FAM234B: variants seen among roughly 807,000 people sequenced by gnomAD.
FAM234B encodes family with sequence similarity 234 member B.
A neutral mutation model predicts 69.3 loss-of-function variants in FAM234B; 33 were observed. That is an observed-to-expected ratio of 0.48 (90% CI 0.36 to 0.64). The LOEUF is 0.64. Among genes scored for constraint, FAM234B ranks in the 30% least tolerant of loss-of-function variants. The pLI, the probability that FAM234B is intolerant of heterozygous loss-of-function variation, is 0.00. For missense variants in FAM234B, 697 were observed against 769.7 expected (o/e 0.91, Z 1.12); for synonymous variants, 306 against 306.9 (o/e 1.00, Z 0.03).
chr12:13,068,774 T>A, intron 9 of FAM234B, 63 bp downstream of exon 9: 1 of 1,080,200 alleles, frequency 9.3e-7, no homozygotes, highest in Non-Finnish European at 1.4e-6. Context: ...TGTCCAACCC[T>A]GTGTTAGGCA....
At chr12:13,075,404 G>A (rs566175316) in intron 10 of FAM234B, among the ~76,000 whole-genome samples, 62 of 151,252 alleles carry the variant, frequency 4.1e-4, no homozygotes, top group Middle Eastern at 3.4e-3. Flanking sequence ...CCTCTCTTGG[G>A]ACCTGTACAT....
rs144487254 is a variant in FAM234B, at chr12:13,061,720, G to A, written c.678G>A (p.Val226=). 3.4e-4 allele frequency: 552 copies of A among 1,614,096 alleles called. No homozygotes were observed. Among genetic ancestry groups the A allele is most frequent in the South Asian group, 7.8e-4 (71 of 91,076 alleles). Reference sequence around the variant, plus strand: ...GCTTGGCTGAAACCATCTGCCTTGTGACAGGGACACACAAGATGCTCAGCG... The same window carrying A: ...GCTTGGCTGAAACCATCTGCCTTGTAACAGGGACACACAAGATGCTCAGCG... The part of the protein sequence containing the change: ...PGSLAETICL[V]TGTHKMLSAF... The change falls in exon 4 of 13, where the codon GTG becomes GTA. Residue 226 remains valine, a synonymous_variant. Transcript: ENST00000197268.
chr12:13,047,013 C>G (rs1864820511), intron 1 of FAM234B, among the ~76,000 whole-genome samples: 1 of 152,200 alleles, frequency 6.6e-6, no homozygotes, highest in Non-Finnish European at 1.5e-5. Flanking sequence ...CTAGTAACCT[C>G]TGACATATGT....
intron 1 of FAM234B, among the ~76,000 whole-genome samples, chr12:13,054,550 C>G (rs147462988): frequency 2.4e-4 from 36 of 152,300 alleles, no homozygotes; most frequent in African/African-American, 7.9e-4. Flanking sequence ...TTCTTTTCCC[C>G]TTTTTAATTA....
intron 9 of FAM234B, among the ~76,000 whole-genome samples, chr12:13,069,860 G>T (rs1394591858): frequency 6.6e-6 from 1 of 152,158 alleles, no homozygotes; most frequent in Non-Finnish European, 1.5e-5. Context: ...TCATGTTAGG[G>T]AGAGACTTCC....
intron 1 of FAM234B, among the ~76,000 whole-genome samples, chr12:13,054,233 A>G (rs12298140): frequency 0.16 from 23,847 of 151,494 alleles, 2,138 homozygotes; most frequent in African/African-American, 0.22. Flanking sequence ...ATTAATAGGG[A>G]AGTGATAAAT....
In FAM234B at chr12:13,083,400, A is replaced by T. The variant is rs1226280472; in HGVS notation, c.*2770A>T. On this transcript the variant is annotated 3_prime_UTR_variant, in exon 13 of 13. Coordinates refer to ENST00000197268, the MANE Select transcript of FAM234B (RefSeq NM_020853.2). ...AGCTGGTATATTGTCAGGAAGCACT[A>T]TTTAAAATGTGAACTGTTATAGAGT... The T allele has an allele frequency of 6.6e-6, 1 of 152,550 alleles. No homozygotes were observed. Among genetic ancestry groups the T allele is most frequent in the African/African-American group, 2.4e-5 (1 of 41,422 alleles). The allele number at this position is 152,550 out of a possible 1,614,324, so 9.4% of individuals were successfully genotyped here.
At chr12:13,075,610 C>CTTTTTTTT (rs5796522) in intron 10 of FAM234B, among the ~76,000 whole-genome samples, 2 of 122,886 alleles carry the variant, frequency 1.6e-5, no homozygotes, top group Non-Finnish European at 1.7e-5. Flanking sequence ...TTTTTTTTCT[C>CTTTTTTTT]TTTTTTTTTT....
intron 9 of FAM234B, among the ~76,000 whole-genome samples, chr12:13,069,581 A>C (rs1187018134): frequency 6.6e-6 from 1 of 152,150 alleles, no homozygotes; most frequent in Non-Finnish European, 1.5e-5. Context: ...CCGGGAACAC[A>C]GGGAGCAGAT....
intron 1 of FAM234B, among the ~76,000 whole-genome samples, chr12:13,046,640 A>T (rs756241833): frequency 5.3e-5 from 8 of 151,988 alleles, no homozygotes; most frequent in Non-Finnish European, 1.2e-4. Context: ...TTGTATTTTT[A>T]GTAGAGACAG....
chr12:13,055,931 T>C lies in FAM234B; in HGVS notation c.418T>C (p.Leu140=), dbSNP rs1248540674. The change falls in exon 2 of 13, where the codon TTG becomes CTG. Residue 140 remains leucine, a synonymous_variant. Transcript: ENST00000197268. ...TCTGCACAGCACCTGGAGCCGCCACTTGGGCTCCCAGGGAGGTGAGCTGCA... is the reference window on the plus strand; with the variant it reads ...TCTGCACAGCACCTGGAGCCGCCACCTGGGCTCCCAGGGAGGTGAGCTGCA... ...RDLHSTWSRH[L]GSQGGGDLSP... is the part of the protein sequence containing the mutation. 2.6e-6 allele frequency: 4 copies of C among 1,567,808 alleles called. No individual in the cohort carries two copies. The highest frequency in any genetic ancestry group is 2.7e-5 in the African/African-American group (2 of 73,710).
intron 5 of FAM234B, among the ~76,000 whole-genome samples, chr12:13,065,332 T>G (rs1865025826): frequency 6.6e-6 from 1 of 152,184 alleles, no homozygotes; most frequent in Non-Finnish European, 1.5e-5. Flanking sequence ...TCCAAACCCC[T>G]CTTTTTCTTG....
At chr12:13,045,579 T>G (rs1292096284) in intron 1 of FAM234B, among the ~76,000 whole-genome samples, 1 of 152,120 alleles carries the variant, frequency 6.6e-6, no homozygotes, top group African/African-American at 2.4e-5. Context: ...GGTTGGATAT[T>G]AATTTGCGTT....
At chr12:13,072,349 C>T (rs1345051090) in intron 10 of FAM234B, among the ~76,000 whole-genome samples, 3 of 152,124 alleles carry the variant, frequency 2.0e-5, no homozygotes, top group African/African-American at 4.8e-5. Context: ...ACAGTGTGAC[C>T]GTGGGCAATT....
intron 1 of FAM234B, among the ~76,000 whole-genome samples, chr12:13,047,037 A>T (rs1042431392): frequency 6.6e-6 from 1 of 152,186 alleles, no homozygotes; most frequent in Non-Finnish European, 1.5e-5. Flanking sequence ...TTAGTCAGTA[A>T]GTGTTAGCTG....
intron 11 of FAM234B, among the ~76,000 whole-genome samples, chr12:13,078,685 G>T (rs1865189534): frequency 6.6e-6 from 1 of 152,148 alleles, no homozygotes; most frequent in African/African-American, 2.4e-5. Flanking sequence ...AGCAACTTCA[G>T]CAAAGTCTCA....
intron 11 of FAM234B, among the ~76,000 whole-genome samples, chr12:13,077,466 T>C (rs1257340790): frequency 1.5e-5 from 2 of 134,758 alleles, no homozygotes; most frequent in Non-Finnish European, 3.1e-5. Flanking sequence ...GTTCCCCTTC[T>C]TGTGTCCATG....
chr12:13,048,476 A>G (rs2120438874), intron 1 of FAM234B, among the ~76,000 whole-genome samples: 1 of 143,454 alleles, frequency 7.0e-6, no homozygotes, highest in Admixed American at 6.9e-5. Flanking sequence ...TTTTTTGGCA[A>G]CTCTTTAAAA....
chr12:13,061,657 G>A lies in FAM234B; in HGVS notation c.615G>A (p.Glu205=). Residue 205 remains glutamate (E), a synonymous_variant, in exon 4 of 13, where the codon GAG becomes GAA. Transcript: ENST00000197268. ...STLWSSLLPE[E]ARDITCLELM... is the part of the protein sequence containing the mutation. ...TGTGGTCTAGTCTTCTCCCTGAGGAGGCTCGAGATATCACATGTTTGGAGC... is the reference window on the plus strand; with the variant it reads ...TGTGGTCTAGTCTTCTCCCTGAGGAAGCTCGAGATATCACATGTTTGGAGC... The A allele has an allele frequency of 6.2e-7, 1 of 1,614,056 alleles. No individual in the cohort carries two copies.
Sources: allele counts gnomAD v4.1 joint callset (sites outside exome capture counted in the v4.1 genomes callset), GRCh38; gene constraint gnomAD v4.1.1; transcripts MANE v1.5; gene names NCBI Gene and HGNC (gene_info 2026-07-23, HGNC 2026-07-21).